SERINC5: variants seen among roughly 807,000 people sequenced by gnomAD.
The protein encoded by SERINC5 is chromosome 5 open reading frame 12.
In SERINC5, 41 loss-of-function variants were observed where a neutral mutation model predicts 63.1. The ratio of observed to expected loss-of-function variants is 0.65; its 90% CI spans 0.51 to 0.84. SERINC5 has a LOEUF of 0.84. SERINC5 is among the 40% of genes least tolerant of loss of function. The pLI is 0.00. For missense variants in SERINC5, 523 were observed against 573.0 expected (o/e 0.91, Z 0.89); for synonymous variants, 222 against 215.2 (o/e 1.03, Z -0.28).
chr5:80,199,149 C>T (rs1350787991), intron 2 of SERINC5, among the ~76,000 whole-genome samples: 2 of 152,190 alleles, frequency 1.3e-5, no homozygotes, highest in Non-Finnish European at 2.9e-5. Flanking sequence ...CATTTCACCT[C>T]GCCTCACCTC....
At chr5:80,136,691 AAAC>A (rs1322204001), downstream of SERINC5, among the ~76,000 whole-genome samples, 2 of 152,354 alleles carry the variant, frequency 1.3e-5, no homozygotes, top group East Asian at 3.9e-4. Flanking sequence ...AAATGCTCGC[AAAC>A]AACATCTGAT....
At chr5:80,114,451 C>G (rs537263441) in intron 11 of SERINC5, 1 of 162,686 alleles carries the variant, frequency 6.1e-6, no homozygotes, top group African/African-American at 2.4e-5. Flanking sequence ...GTCAGGAGTT[C>G]GAGACCAGCC....
At chr5:80,161,740 G>A (rs1421566310) in intron 7 of SERINC5, among the ~76,000 whole-genome samples, 1 of 152,146 alleles carries the variant, frequency 6.6e-6, no homozygotes, top group Non-Finnish European at 1.5e-5. Context: ...TGTTTTTGTT[G>A]TCTGTGCTTT....
At position 80,256,022 on chromosome 5, in the gene SERINC5, C is replaced by G; in HGVS notation, c.-100G>C. ...GAGCGCTGGGCTCAGCCGCAGCTCA[C>G]ACTTGAACGAAGATCAGCCTCGGCG... is the stretch of plus-strand genomic sequence containing the variant. On this transcript the variant is annotated 5_prime_UTR_variant, in exon 1 of 12. Coordinates refer to ENST00000507668, the MANE Select transcript of SERINC5 (RefSeq NM_001174072.3). The G allele has an allele frequency of 1.6e-6, 2 of 1,236,476 alleles. No individual in the cohort carries two copies. The highest frequency in any genetic ancestry group is 3.2e-5 in the African/African-American group (2 of 62,642). 76.6% of individuals were successfully genotyped at this position (1,236,476 alleles called of 1,614,324 possible). A position where few individuals can be genotyped will look rare whatever the true frequency, so the allele number is the denominator to read the frequency against.
In SERINC5 at chr5:80,142,393, C is replaced by G. The variant is rs1005967977; in HGVS notation, c.*1270G>C. The G allele has an allele frequency of 1.2e-6, 1 of 866,958 alleles. No individual in the cohort carries two copies. Among genetic ancestry groups the G allele is most frequent in the Non-Finnish European group, 1.4e-6 (1 of 721,958 alleles). 53.7% of individuals were successfully genotyped at this position (866,958 alleles called of 1,614,324 possible). On this transcript the variant is annotated 3_prime_UTR_variant, in exon 12 of 12. Transcript: ENST00000507668. ...CATTACAGGCACACGCTACCATGCC[C>G]GGCTAATTTTTCTATTTTTAATAGA...
chr5:80,171,705 A>C (rs1747667034), intron 5 of SERINC5, among the ~76,000 whole-genome samples: 1 of 152,044 alleles, frequency 6.6e-6, no homozygotes, highest in African/African-American at 2.4e-5. Flanking sequence ...ATCTACAAAA[A>C]CCAAAAACCA....
At chr5:80,246,115 A>ATTCC (rs1752160005) in intron 1 of SERINC5, among the ~76,000 whole-genome samples, 1 of 152,198 alleles carries the variant, frequency 6.6e-6, no homozygotes, top group African/African-American at 2.4e-5. Context: ...ATGGAAACAA[A>ATTCC]ATACTGCCAT....
chr5:80,171,190 G>A lies in SERINC5; in HGVS notation c.552-1644C>T, dbSNP rs144987327. Among the ~76,000 whole-genome samples the A allele has an allele frequency of 7.4e-4, 112 of 152,006 alleles. 1 individual carries two copies. Among genetic ancestry groups the A allele is most frequent in the Non-Finnish European group, 1.4e-3 (94 of 67,988 alleles). The stretch of plus-strand genomic sequence containing the variant: ...ATGCCGGGCTAATTTTGTATTTTTA[G>A]TAAAGACGGGGTTTCACCATCTTGG... On this transcript the variant is annotated intron_variant, in intron 5 of 11. Transcript: ENST00000507668.
rs1748090897 is a variant in SERINC5 at position 80,177,220 on chromosome 5, C to A, written c.457+95G>T. 10 of 817,840 alleles carry A rather than the reference C, an allele frequency of 1.2e-5. No homozygotes were observed. In the South Asian group the frequency reaches 1.3e-4, roughly 11 times the overall value. 50.7% of individuals were successfully genotyped at this position (817,840 alleles called of 1,614,324 possible). On this transcript the variant is annotated intron_variant, in intron 4 of 11. Transcript: ENST00000507668. ...TGAAGCCAAAAGAAAATCAGTAATT[C>A]TAACTATCAGAGGTACTTTGGACTG...
intron 1 of SERINC5, among the ~76,000 whole-genome samples, chr5:80,221,507 A>G (rs1750904162): frequency 6.6e-6 from 1 of 152,052 alleles, no homozygotes; most frequent in Non-Finnish European, 1.5e-5. Context: ...GCTAATGGAC[A>G]CATCCTTAGG....
intron 1 of SERINC5, among the ~76,000 whole-genome samples, chr5:80,254,931 T>C (rs1181993671): frequency 6.6e-6 from 1 of 152,122 alleles, no homozygotes; most frequent in Non-Finnish European, 1.5e-5. Flanking sequence ...GCCTCGATTG[T>C]GGAAAGGCTG....
chr5:80,237,235 C>A (rs944019035), intron 1 of SERINC5, among the ~76,000 whole-genome samples: 3 of 152,170 alleles, frequency 2.0e-5, no homozygotes, highest in Admixed American at 6.5e-5. Context: ...GTGCTATTGG[C>A]ATCTGGGGGT....
rs1748037048 is a variant in SERINC5 at position 80,176,419 on chromosome 5, CAA to C, written c.457+894_457+895del. ...TATGGCTGTTCCTTATAAACTGACA[CAA>C]TCTAAATGTTTAGTTTAGTTTTGTT... On this transcript the variant is annotated intron_variant, in intron 4 of 11. Coordinates refer to ENST00000507668, the MANE Select transcript of SERINC5 (RefSeq NM_001174072.3). Among the ~76,000 whole-genome samples, 11 of 152,222 alleles carry C rather than the reference CAA, an allele frequency of 7.2e-5. No homozygotes were observed. In the South Asian group the frequency reaches 2.3e-3, roughly 32 times the overall value.
chr5:80,152,733 G>A (rs572898318), intron 8 of SERINC5, among the ~76,000 whole-genome samples: 21 of 152,124 alleles, frequency 1.4e-4, no homozygotes, highest in Non-Finnish European at 2.4e-4. Context: ...TTGAGGTCAG[G>A]AGTTCCAGAC....
Position 80,169,237 on chromosome 5 carries a change from G to C in SERINC5, c.763+98C>G, listed in dbSNP as rs1029225612. Reference sequence around the variant, plus strand: ...CCACAGTAAGTTAAGGAATACACTAGTTCCAAACAAACAAAACAAAACAAA... The same window carrying C: ...CCACAGTAAGTTAAGGAATACACTACTTCCAAACAAACAAAACAAAACAAA... On this transcript the variant is annotated intron_variant, in intron 6 of 11. Transcript: ENST00000507668. 12 of 1,019,836 alleles carry C rather than the reference G, an allele frequency of 1.2e-5. No individual in the cohort carries two copies. In the East Asian group the frequency reaches 2.6e-4, roughly 22 times the overall value. 63.2% of individuals were successfully genotyped at this position (1,019,836 alleles called of 1,614,324 possible).
downstream of SERINC5, among the ~76,000 whole-genome samples, chr5:80,138,159 C>G (rs1035433106): frequency 6.6e-6 from 1 of 151,118 alleles, no homozygotes; most frequent in Non-Finnish European, 1.5e-5. Context: ...AAGGTGGTTA[C>G]TAGGGGCTGG....
At position 80,179,559 on chromosome 5, in the gene SERINC5, T is replaced by C. The variant is rs371232866; in HGVS notation, c.196-1495A>G. Among the ~76,000 whole-genome samples the C allele has an allele frequency of 1.5e-3, 234 of 152,316 alleles. 3 individuals are homozygous for C. In the Middle Eastern group the frequency reaches 0.031, roughly 20 times the overall value. On this transcript the variant is annotated intron_variant, in intron 2 of 11. Transcript: ENST00000507668. Reference sequence around the variant, plus strand: ...CTCACTGCACCTGTGCCATTATTTATGTAGGACAGACACCTGAGCTAGAAA... The same window carrying C: ...CTCACTGCACCTGTGCCATTATTTACGTAGGACAGACACCTGAGCTAGAAA...
chr5:80,255,669 G>A (rs953040373), intron 1 of SERINC5, among the ~76,000 whole-genome samples: 2 of 152,150 alleles, frequency 1.3e-5, no homozygotes, highest in Non-Finnish European at 2.9e-5. Flanking sequence ...GAGGCCGGAC[G>A]GGAAGACCCC....
At chr5:80,219,500 T>C (rs757994786) in intron 1 of SERINC5, among the ~76,000 whole-genome samples, 3 of 152,074 alleles carry the variant, frequency 2.0e-5, no homozygotes, top group African/African-American at 4.8e-5. Flanking sequence ...CCCAAACAAA[T>C]AGCCGCTGTT....
Sources: gnomAD v4.1 joint callset for allele counts (sites outside exome capture counted in the v4.1 genomes callset) on GRCh38, gnomAD v4.1.1 for gene constraint, MANE v1.5 for transcripts, NCBI Gene and HGNC (gene_info 2026-07-23, HGNC 2026-07-21) for gene names.